Variants in NIN observed in about 807,000 individuals in gnomAD.
The protein encoded by NIN is glycogen synthase kinase 3 beta-interacting protein.
NIN carries 137 observed loss-of-function variants against 257.6 expected under a neutral mutation model. The observed-to-expected ratio is 0.53, with a 90% CI of 0.46 to 0.61. The LOEUF is 0.61. NIN is among the 20% of genes least tolerant of loss of function. The probability of loss-of-function intolerance (pLI) is 0.00; values close to 1 mark genes in which losing one functional copy is unlikely to be tolerated. For synonymous variants in NIN, 918 were observed against 919.8 expected (o/e 1.00, Z 0.04); for missense variants, 2,439 against 2,501.2 (o/e 0.98, Z 0.53).
chr14:50,830,717 C>A (rs1326753983), intron 1 of NIN, 200 bp from the exon 2 acceptor site: 1 of 36,468 alleles, frequency 2.7e-5, no homozygotes, highest in African/African-American at 7.1e-5. Context: ...ATCCTCCCCG[C>A]CCCCGCCGGC....
At chr14:50,803,309 T>C (rs1297823233) in intron 4 of NIN, among the ~76,000 whole-genome samples, 1 of 152,086 alleles carries the variant, frequency 6.6e-6, no homozygotes, top group Admixed American at 6.6e-5. Context: ...ACTGAGATTG[T>C]GCCACTGCAC....
intron 12 of NIN, among the ~76,000 whole-genome samples, chr14:50,767,661 C>A (rs1288566303): frequency 2.0e-5 from 3 of 151,862 alleles, no homozygotes; most frequent in African/African-American, 7.3e-5. Flanking sequence ...ACTAAAAATA[C>A]AAAAAATTAG....
chr14:50,737,768 C>A (rs1354355266), intron 27 of NIN, among the ~76,000 whole-genome samples: 1 of 151,788 alleles, frequency 6.6e-6, no homozygotes, highest in African/African-American at 2.4e-5. Context: ...CCTCAGCCTC[C>A]CAAGTAGCTG....
intron 2 of NIN, 120 bp from the exon 3 acceptor site, chr14:50,822,197 C>T (rs1194603088): frequency 1.4e-6 from 1 of 721,138 alleles, no homozygotes; most frequent in Non-Finnish European, 2.3e-6. Context: ...CTCGGGAACA[C>T]CCAGTTTCTG....
intron 23 of NIN, 64 bp from the exon 24 acceptor site, chr14:50,743,593 T>C: frequency 2.2e-6 from 2 of 904,998 alleles, no homozygotes; most frequent in Non-Finnish European, 1.8e-6. Context: ...CCTTAATTTA[T>C]ATGCCTGCAC....
At position 50,777,129 on chromosome 14, in the gene NIN, C is replaced by T. The variant is rs2042953837; in HGVS notation, c.486G>A (p.Arg162=). Residue 162 remains arginine (R), a synonymous_variant, in exon 7 of 31, where the codon AGG becomes AGA. Transcript: ENST00000530997. ...SEEYEAEGQL[R]FWNPDDLNAS... ...CATTCAAGTCATCTGGGTTCCAAAA[C>T]CTTAACTGGCCTGAGAGAGAAGCAT... 2 of 1,607,060 alleles carry T rather than the reference C, an allele frequency of 1.2e-6. No individual in the cohort carries two copies. Among genetic ancestry groups the T allele is most frequent in the Non-Finnish European group, 1.7e-6 (2 of 1,176,846 alleles).
rs186186529 is a variant in NIN, at chr14:50,764,063, C to A, written c.1636-99G>T. ...AAATTGGATATCATCAAAACAAAATCTTTTGTGCTTCAAAGGACACTATCA... is the reference window on the plus strand; with the variant it reads ...AAATTGGATATCATCAAAACAAAATATTTTGTGCTTCAAAGGACACTATCA... On this transcript the variant is annotated intron_variant, in intron 14 of 30. Transcript: ENST00000530997. 48 of 1,071,870 alleles carry A rather than the reference C, an allele frequency of 4.5e-5. No individual in the cohort carries two copies. In the East Asian group the frequency reaches 6.5e-4, roughly 14 times the overall value. 66.4% of individuals were successfully genotyped at this position (1,071,870 alleles called of 1,614,324 possible).
At position 50,801,080 on chromosome 14, in the gene NIN, C is replaced by A. The variant is rs562931601; in HGVS notation, c.265+5657G>T. On this transcript the variant is annotated intron_variant, in intron 4 of 30. Coordinates refer to ENST00000530997, the MANE Select transcript of NIN (RefSeq NM_020921.4). ...CTGGGATTACAGGCATGAGCCACTGCGCCCGGCTTTTTTTTTTTTTTTTTT... is the reference window on the plus strand; with the variant it reads ...CTGGGATTACAGGCATGAGCCACTGAGCCCGGCTTTTTTTTTTTTTTTTTT... Among the ~76,000 whole-genome samples the A allele has an allele frequency of 1.7e-3, 228 of 132,494 alleles. 1 individual carries two copies. Among genetic ancestry groups the A allele is most frequent in the South Asian group, 0.012 (48 of 3,994 alleles). The allele number at this position is 132,494 out of a possible 152,430, so 86.9% of individuals were successfully genotyped here. A position where few individuals can be genotyped will look rare whatever the true frequency, so the allele number is the denominator to read the frequency against.
rs145555295 is a variant in NIN at position 50,729,688 on chromosome 14, C to G, written c.5913G>C (p.Pro1971=). 6.2e-7 allele frequency: 1 copy of G among 1,611,690 alleles called. No homozygotes were observed. The highest frequency in any genetic ancestry group is 8.5e-7 in the Non-Finnish European group (1 of 1,178,884). ...GCTGCAAATCCCAAGCATGAGGGGA[C>G]GGGCTAGGCGTCGCAGTGGACCTCA... is the stretch of plus-strand genomic sequence containing the variant. ...QHLRSTATPS[P]SPHAWDLQLL... The change falls in exon 29 of 31, where the codon CCG becomes CCC. Residue 1971 remains proline (P), a synonymous_variant. Coordinates refer to ENST00000530997, the MANE Select transcript of NIN (RefSeq NM_020921.4).
At chr14:50,752,163 T>TC (rs2041815585) in intron 21 of NIN, among the ~76,000 whole-genome samples, 1 of 151,770 alleles carries the variant, frequency 6.6e-6, no homozygotes, top group Non-Finnish European at 1.5e-5. Flanking sequence ...GTATAGTTTT[T>TC]TTTTTTTATA....
At chr14:50,809,113 T>TG (rs1452111323) in intron 3 of NIN, among the ~76,000 whole-genome samples, 2 of 152,068 alleles carry the variant, frequency 1.3e-5, no homozygotes, top group Admixed American at 6.6e-5. Flanking sequence ...CTAAGCTACT[T>TG]GGGAGACTGA....
At chr14:50,759,545 G>A (rs556264259) in intron 17 of NIN, among the ~76,000 whole-genome samples, 2 of 151,154 alleles carry the variant, frequency 1.3e-5, no homozygotes, top group South Asian at 4.2e-4. Context: ...CCAGGCTGGA[G>A]TGCAGTAGCG....
At chr14:50,739,185 G>C (rs987609968) in intron 26 of NIN, 123 bp downstream of exon 26, 12 of 724,876 alleles carry the variant, frequency 1.7e-5, no homozygotes, top group Non-Finnish European at 2.7e-5. Flanking sequence ...CTTAAAATAA[G>C]TCTGCTATAG....
At chr14:50,767,641 C>T (rs945019225) in intron 12 of NIN, among the ~76,000 whole-genome samples, 7 of 151,934 alleles carry the variant, frequency 4.6e-5, no homozygotes, top group Non-Finnish European at 2.9e-5. Context: ...CACGGTGAAA[C>T]CCCGTCTCTA....
At chr14:50,750,121 T>C (rs971236494) in intron 21 of NIN, among the ~76,000 whole-genome samples, 1 of 152,214 alleles carries the variant, frequency 6.6e-6, no homozygotes, top group Non-Finnish European at 1.5e-5. Context: ...TGTCCTTTTT[T>C]TTTAAAACAT....
rs1166537273 is a variant in NIN at position 50,767,174 on chromosome 14, G to A, written c.1435-284C>T. On this transcript the variant is annotated intron_variant, in intron 12 of 30. Coordinates refer to ENST00000530997, the MANE Select transcript of NIN (RefSeq NM_020921.4). ...GTACTGGGCCCTTGAAGTGTGTCTA[G>A]TACAAACTGTAAGTTTAAAATAGAC... 2.0e-5 allele frequency among the ~76,000 whole-genome samples: 3 copies of A among 152,172 alleles called. No homozygotes were observed. The East Asian group carries it at 5.8e-4, about 29-fold the overall frequency.
chr14:50,812,357 T>C (rs2044671726), intron 3 of NIN, among the ~76,000 whole-genome samples: 1 of 152,160 alleles, frequency 6.6e-6, no homozygotes, highest in East Asian at 1.9e-4. Flanking sequence ...TCAGGCCCAC[T>C]TCCCTCTTGG....
chr14:50,733,292 C>T (rs1424957914), intron 28 of NIN, among the ~76,000 whole-genome samples: 1 of 152,088 alleles, frequency 6.6e-6, no homozygotes, highest in Non-Finnish European at 1.5e-5. Flanking sequence ...GAGGTTTCAC[C>T]ATGTTGGTCA....
rs2041294823 is a variant in NIN at position 50,741,746 on chromosome 14, T to C, written c.5302-18A>G. On this transcript the variant is annotated intron_variant, in intron 24 of 30. Coordinates refer to ENST00000530997, the MANE Select transcript of NIN (RefSeq NM_020921.4). ...TTCTGAACCTGTATTGTGAGAATGA[T>C]CTTTTACTGCTACACAAACTCTTGT... 2 of 1,611,136 alleles carry C rather than the reference T, an allele frequency of 1.2e-6. No homozygotes were observed. The highest frequency in any genetic ancestry group is 1.7e-5 in the Admixed American group (1 of 59,662).
Sources: gnomAD v4.1 joint callset for allele counts (sites outside exome capture counted in the v4.1 genomes callset) on GRCh38, gnomAD v4.1.1 for gene constraint, MANE v1.5 for transcripts, NCBI Gene and HGNC (gene_info 2026-07-23, HGNC 2026-07-21) for gene names.